The following ADAM32 variants were observed in gnomAD, a reference collection of about 807,000 sequenced individuals.
ADAM32 encodes disintegrin and metalloproteinase domain-containing protein 32.
ADAM32 carries 89 observed loss-of-function variants against 114.9 expected under a neutral mutation model. The observed-to-expected ratio is 0.77, with a 90% CI of 0.65 to 0.92. The LOEUF (loss-of-function observed/expected upper bound fraction) is 0.92. ADAM32 is among the 40% of genes least tolerant of loss of function. The pLI, the probability that ADAM32 is intolerant of heterozygous loss-of-function variation, is 0.00. For missense variants in ADAM32, 870 were observed against 932.8 expected, an observed-to-expected ratio of 0.93 and a Z score of 0.88; for synonymous variants, 285 against 307.5, an observed-to-expected ratio of 0.93 and a Z score of 0.77.
chr8:39,148,261 T>C (rs1328268930), intron 4 of ADAM32, among the ~76,000 whole-genome samples: 1 of 152,224 alleles, frequency 6.6e-6, no homozygotes, highest in Non-Finnish European at 1.5e-5. Context: ...TCATTCACTT[T>C]GTTCCAGCAT....
intron 19 of ADAM32, among the ~76,000 whole-genome samples, chr8:39,260,778 G>A (rs541969947): frequency 6.6e-6 from 1 of 152,076 alleles, no homozygotes; most frequent in Non-Finnish European, 1.5e-5. Flanking sequence ...GTGTTTGAAA[G>A]TGTTCCCTAC....
At position 39,179,878 on chromosome 8, in the gene ADAM32, A is replaced by C. The variant is rs527806156; in HGVS notation, c.916-7031A>C. Reference sequence around the variant, plus strand: ...AGAGCTGGGGACTGTAGCTGCCTCTAATCAGCCATCTTGGTCCTACCCGCT... The same window carrying C: ...AGAGCTGGGGACTGTAGCTGCCTCTCATCAGCCATCTTGGTCCTACCCGCT... On this transcript the variant is annotated intron_variant, in intron 10 of 24. Transcript: ENST00000379907. 7.2e-5 allele frequency among the ~76,000 whole-genome samples: 11 copies of C among 152,262 alleles called. No individual in the cohort carries two copies. In the East Asian group the frequency reaches 2.1e-3, roughly 29 times the overall value.
chr8:39,210,731 TA>T (rs1808150933), intron 11 of ADAM32, among the ~76,000 whole-genome samples: 1 of 152,208 alleles, frequency 6.6e-6, no homozygotes, highest in South Asian at 2.1e-4. Context: ...ATAATTTTGA[TA>T]AATATACACT....
intron 16 of ADAM32, among the ~76,000 whole-genome samples, chr8:39,234,368 C>T (rs574755397): frequency 1.4e-4 from 21 of 149,884 alleles, no homozygotes; most frequent in Non-Finnish European, 2.4e-4. Flanking sequence ...AGTTAAGAAC[C>T]TCATAGCATG....
intron 22 of ADAM32, among the ~76,000 whole-genome samples, chr8:39,279,654 T>A (rs562446142): frequency 6.6e-6 from 1 of 152,362 alleles, no homozygotes; most frequent in South Asian, 2.1e-4. Flanking sequence ...ATTGTTTCAC[T>A]TCCTTATATC....
Position 39,151,514 on chromosome 8 carries a change from A to C in ADAM32, c.491A>C (p.Gln164Pro), listed in dbSNP as rs1354659601. ...AIFIDRSLKE[Q>P]PMDDNIFISE... ...TTTATTGACAGAAGCCTGAAAGAAC[A>C]ACCAATGGATGACAACATTTTTATA... The change falls in exon 6 of 25, where the codon CAA (glutamine) becomes CCA (proline). Residue 164 changes from glutamine to proline, a missense_variant. Physicochemically the swap from Gln to Pro is moderately conservative, Grantham distance 76. Transcript: ENST00000379907. The C allele has an allele frequency of 6.3e-7, 1 of 1,589,384 alleles. No homozygotes were observed.
At chr8:39,236,368 A>G (rs573932667) in intron 16 of ADAM32, among the ~76,000 whole-genome samples, 1 of 152,302 alleles carries the variant, frequency 6.6e-6, no homozygotes, top group Non-Finnish European at 1.5e-5. Flanking sequence ...TAGTCTTGTT[A>G]GATTTCATGG....
chr8:39,164,675 C>G, intron 7 of ADAM32, 89 bp from the exon 8 acceptor site: 1 of 981,390 alleles, frequency 1.0e-6, no homozygotes, highest in Non-Finnish European at 1.5e-6. Context: ...CCCAAAGCAG[C>G]CTTACACCTC....
chr8:39,120,168 GGTA>G (rs1225691483), intron 2 of ADAM32, among the ~76,000 whole-genome samples: 1 of 152,130 alleles, frequency 6.6e-6, no homozygotes, highest in African/African-American at 2.4e-5. Flanking sequence ...ATTTTGTTTG[GGTA>G]GCTTGAGCAG....
chr8:39,178,310 A>G (rs1315904218), intron 10 of ADAM32, among the ~76,000 whole-genome samples: 2 of 152,074 alleles, frequency 1.3e-5, no homozygotes, highest in Non-Finnish European at 2.9e-5. Context: ...CTGTTCTGCT[A>G]TTGATACTTG....
At chr8:39,180,251 G>A (rs1219244875) in intron 10 of ADAM32, among the ~76,000 whole-genome samples, 1 of 152,244 alleles carries the variant, frequency 6.6e-6, no homozygotes, top group Non-Finnish European at 1.5e-5. Context: ...GAGGGGCTTA[G>A]CACCTGGGCC....
chr8:39,205,754 A>G (rs977639706), intron 11 of ADAM32, among the ~76,000 whole-genome samples: 2 of 152,206 alleles, frequency 1.3e-5, no homozygotes, highest in African/African-American at 2.4e-5. Context: ...CTATGCTGCC[A>G]TCTTGGAACC....
chr8:39,153,536 T>A (rs779960668), intron 6 of ADAM32, among the ~76,000 whole-genome samples: 8 of 152,202 alleles, frequency 5.3e-5, no homozygotes, highest in Non-Finnish European at 7.3e-5. Flanking sequence ...TACTGGAGAT[T>A]TACATTTCCC....
rs966589936 is a variant in ADAM32 at position 39,284,870 on chromosome 8, G to T, written c.*71G>T. Reference sequence around the variant, plus strand: ...AAATGAAAATTCTGTCTTTCCTTCCGTGGTCACAGCTGAAAGAAACAATAA... The same window carrying T: ...AAATGAAAATTCTGTCTTTCCTTCCTTGGTCACAGCTGAAAGAAACAATAA... On this transcript the variant is annotated 3_prime_UTR_variant, in exon 25 of 25. Coordinates refer to ENST00000379907, the MANE Select transcript of ADAM32 (RefSeq NM_145004.7). The T allele has an allele frequency of 2.7e-5, 43 of 1,568,926 alleles. No homozygotes were observed. The highest frequency in any genetic ancestry group is 1.7e-4 in the Middle Eastern group (1 of 5,994).
In ADAM32 at chr8:39,234,079, G is replaced by A; in HGVS notation, c.1815G>A (p.Gly605=). 7.3e-7 allele frequency: 1 copy of A among 1,373,818 alleles called. No homozygotes were observed. The highest frequency in any genetic ancestry group is 9.5e-7 in the Non-Finnish European group (1 of 1,056,228). 85.1% of individuals were successfully genotyped at this position (1,373,818 alleles called of 1,614,324 possible). A position where few individuals can be genotyped will look rare whatever the true frequency, so the allele number is the denominator to read the frequency against. Residue 605 remains glycine, a synonymous_variant, in exon 16 of 25, where the codon GGG becomes GGA. Coordinates refer to ENST00000379907, the MANE Select transcript of ADAM32 (RefSeq NM_145004.7). ...AAAATGGCTCTCAGTGTGATATTGG[G>A]AGGGTAAATAATTTAAAATCTATTT... ...AVKNGSQCDI[G]RVCVNRECVE... is the part of the protein sequence containing the mutation.
intron 6 of ADAM32, among the ~76,000 whole-genome samples, chr8:39,160,580 C>T (rs1804444968): frequency 7.2e-6 from 1 of 139,732 alleles, no homozygotes; most frequent in Non-Finnish European, 1.5e-5. Context: ...ATCCTCCACA[C>T]ACATATAGTT....
chr8:39,182,612 T>C (rs1805977200), intron 10 of ADAM32, among the ~76,000 whole-genome samples: 2 of 152,242 alleles, frequency 1.3e-5, no homozygotes, highest in South Asian at 4.1e-4. Flanking sequence ...ACAATAGAAC[T>C]CCTGAATGTA....
At position 39,118,111 on chromosome 8, in the gene ADAM32, C is replaced by T. The variant is rs1372320222; in HGVS notation, c.84C>T (p.Ile28=). 8.1e-6 allele frequency: 12 copies of T among 1,484,606 alleles called. No homozygotes were observed. In the South Asian group the frequency reaches 1.4e-4, roughly 17 times the overall value. The allele number at this position is 1,484,606 out of a possible 1,614,324, so 92.0% of individuals were successfully genotyped here. A position where few individuals can be genotyped will look rare whatever the true frequency, so the allele number is the denominator to read the frequency against. The change falls in exon 2 of 25, where the codon ATC becomes ATT. Residue 28 remains isoleucine, a synonymous_variant. Coordinates refer to ENST00000379907, the MANE Select transcript of ADAM32 (RefSeq NM_145004.7). The stretch of plus-strand genomic sequence containing the variant: ...GTTTTCAAAATTCACTTCTACAGAT[C>T]GTAATTCCAGAGAAAATCCAAACAA... ...RPGFQNSLLQ[I]VIPEKIQTNT...
intron 22 of ADAM32, among the ~76,000 whole-genome samples, chr8:39,280,340 T>A (rs768480529): frequency 4.6e-5 from 7 of 152,122 alleles, no homozygotes; most frequent in Admixed American, 3.3e-4. Flanking sequence ...TATGCATACG[T>A]TTTTTGTTTT....
Sources: gnomAD v4.1 joint callset for allele counts (sites outside exome capture counted in the v4.1 genomes callset) on GRCh38, gnomAD v4.1.1 for gene constraint, MANE v1.5 for transcripts, NCBI Gene and HGNC (gene_info 2026-07-23, HGNC 2026-07-21) for gene names.